ARNT2: variants seen among roughly 807,000 people sequenced by gnomAD.
ARNT2 encodes the protein ARNT protein 2.
ARNT2 carries 36 observed loss-of-function variants against 91.7 expected under a neutral mutation model. The observed-to-expected ratio is 0.39, with a 90% CI of 0.30 to 0.52. ARNT2 has a LOEUF of 0.52. ARNT2 is among the 20% of genes least tolerant of loss of function. ARNT2 has a pLI of 0.72. For synonymous variants in ARNT2, 365 were observed against 347.1 expected, an observed-to-expected ratio of 1.05 and a Z score of -0.57; for missense variants, 775 against 939.3, an observed-to-expected ratio of 0.83 and a Z score of 2.29.
intron 5 of ARNT2, among the ~76,000 whole-genome samples, chr15:80,506,696 G>A (rs1049428468): frequency 4.6e-5 from 7 of 152,188 alleles, no homozygotes; most frequent in Non-Finnish European, 8.8e-5. Flanking sequence ...TGGACATCTT[G>A]ATGTCCTCAG....
chr15:80,443,194 T>A (rs1394118421), intron 1 of ARNT2, among the ~76,000 whole-genome samples: 1 of 152,164 alleles, frequency 6.6e-6, no homozygotes, highest in Non-Finnish European at 1.5e-5. Context: ...ACATAGCATA[T>A]GCAAAGGTCC....
intron 11 of ARNT2, among the ~76,000 whole-genome samples, chr15:80,561,070 T>G (rs4778605): frequency 0.78 from 117,967 of 152,104 alleles, 46,229 homozygotes; most frequent in East Asian, 0.99. Flanking sequence ...TCCTTGCAGG[T>G]CTTGAGGATA....
At chr15:80,458,215 A>C (rs4238520) in intron 3 of ARNT2, among the ~76,000 whole-genome samples, 85,808 of 151,772 alleles carry the variant, frequency 0.57, 24,481 homozygotes, top group East Asian at 0.74. Context: ...GCTTTATAAG[A>C]AATTAATGTC....
intron 8 of ARNT2, among the ~76,000 whole-genome samples, chr15:80,519,580 G>T (rs78907368): frequency 0.018 from 2,663 of 151,984 alleles, 81 homozygotes; most frequent in African/African-American, 0.061. Context: ...AAGATAAGCT[G>T]TCAATTTTCA....
chr15:80,430,572 G>T (rs1379935579), intron 1 of ARNT2, among the ~76,000 whole-genome samples: 3 of 152,138 alleles, frequency 2.0e-5, no homozygotes, highest in African/African-American at 4.8e-5. Flanking sequence ...CAGTCTCAAC[G>T]GGAGCTGCAA....
At chr15:80,536,653 G>C (rs1213323106) in intron 8 of ARNT2, among the ~76,000 whole-genome samples, 1 of 152,082 alleles carries the variant, frequency 6.6e-6, no homozygotes, top group Non-Finnish European at 1.5e-5. Flanking sequence ...CCTTACCGAG[G>C]ACTTCCTTAC....
In ARNT2 at chr15:80,595,467, G is replaced by A. The variant is rs1182516950; in HGVS notation, c.*1769G>A. The A allele has an allele frequency of 6.6e-6, 1 of 152,314 alleles. No homozygotes were observed. Among genetic ancestry groups the A allele is most frequent in the Non-Finnish European group, 1.5e-5 (1 of 68,110 alleles). The allele number at this position is 152,314 out of a possible 1,614,324, so 9.4% of individuals were successfully genotyped here. ...ATGCAGGAAGGAGTTTGGAGAGAGT[G>A]TTTGCTGTGATCCATTGAAAGCTCC... On this transcript the variant is annotated 3_prime_UTR_variant, in exon 19 of 19. Transcript: ENST00000303329.
intron 17 of ARNT2, among the ~76,000 whole-genome samples, chr15:80,586,167 G>C (rs1259889041): frequency 6.6e-6 from 1 of 152,142 alleles, no homozygotes; most frequent in South Asian, 2.1e-4. Context: ...GTTGCTTAAA[G>C]AGAAATGGCT....
rs1026259052 is a variant in ARNT2, at chr15:80,514,520, C to A, written c.877+115C>A. On this transcript the variant is annotated intron_variant, in intron 8 of 18. Coordinates refer to ENST00000303329, the MANE Select transcript of ARNT2 (RefSeq NM_014862.4). ...TAGGTAGGAAAATATTCTTATTTTT[C>A]TTTGTGGTTAGAACACAATGATCTT... 5.5e-6 allele frequency: 5 copies of A among 910,624 alleles called. No homozygotes were observed. In the African/African-American group the frequency reaches 6.6e-5, roughly 12 times the overall value. The allele number at this position is 910,624 out of a possible 1,614,324, so 56.4% of individuals were successfully genotyped here.
At chr15:80,555,309 C>A in intron 11 of ARNT2, 170 bp downstream of exon 11, 1 of 613,210 alleles carries the variant, frequency 1.6e-6, no homozygotes, top group Non-Finnish European at 2.9e-6. Context: ...GGAAGACAGA[C>A]ACACATCAGT....
At position 80,519,684 on chromosome 15, in the gene ARNT2, C is replaced by CTTT. The variant is rs1172255165; in HGVS notation, c.877+5296_877+5298dup. 5.9e-4 allele frequency among the ~76,000 whole-genome samples: 71 copies of CTTT among 121,254 alleles called. 1 individual carries two copies. The highest frequency in any genetic ancestry group is 4.5e-3 in the Middle Eastern group (1 of 222). The allele number at this position is 121,254 out of a possible 152,430, so 79.5% of individuals were successfully genotyped here. A position where few individuals can be genotyped will look rare whatever the true frequency, so the allele number is the denominator to read the frequency against. On this transcript the variant is annotated intron_variant, in intron 8 of 18. Transcript: ENST00000303329. ...GAACAAATTGTGGGGAGGTATGTAG[C>CTTT]TTTTTTTTTTTTTTTTTTTGAGATG...
chr15:80,450,167 C>A (rs936550689), intron 1 of ARNT2, among the ~76,000 whole-genome samples: 1 of 152,210 alleles, frequency 6.6e-6, no homozygotes, highest in Non-Finnish European at 1.5e-5. Flanking sequence ...GAAATAATGT[C>A]TTGGCCACAA....
At chr15:80,410,330 G>C (rs1235297869) in intron 1 of ARNT2, among the ~76,000 whole-genome samples, 2 of 152,336 alleles carry the variant, frequency 1.3e-5, no homozygotes, top group Non-Finnish European at 2.9e-5. Flanking sequence ...GGAGTTAGGG[G>C]AAGAGTCAAG....
chr15:80,499,992 A>G (rs1595987517), intron 5 of ARNT2, among the ~76,000 whole-genome samples: 1 of 152,164 alleles, frequency 6.6e-6, no homozygotes, highest in Non-Finnish European at 1.5e-5. Flanking sequence ...CAACCGGTGA[A>G]TTGATGTGTT....
At chr15:80,580,591 A>G (rs779177297) in intron 16 of ARNT2, 42 bp downstream of exon 16, 1 of 1,612,216 alleles carries the variant, frequency 6.2e-7, no homozygotes, top group East Asian at 2.2e-5. Context: ...GTGACCAGAG[A>G]GGCAGAGCAC....
intron 5 of ARNT2, among the ~76,000 whole-genome samples, chr15:80,482,353 T>G (rs1806065522): frequency 6.6e-6 from 1 of 152,178 alleles, no homozygotes. Flanking sequence ...TTGTTAAACC[T>G]TCCCAGGTGA....
intron 11 of ARNT2, 70 bp from the exon 12 acceptor site, chr15:80,563,018 C>A: frequency 6.4e-7 from 1 of 1,571,444 alleles, no homozygotes; most frequent in Non-Finnish European, 8.7e-7. Context: ...CCACTGCCTG[C>A]AGCTTCTCCC....
chr15:80,427,720 C>T (rs1895952448), intron 1 of ARNT2, among the ~76,000 whole-genome samples: 2 of 152,138 alleles, frequency 1.3e-5, no homozygotes, highest in Admixed American at 6.6e-5. Flanking sequence ...AAAGCCATAC[C>T]CTGCTGCTTA....
rs1223759664 is a variant in ARNT2, at chr15:80,497,745, G to A, written c.623-10411G>A. On this transcript the variant is annotated intron_variant, in intron 5 of 18. Coordinates refer to ENST00000303329, the MANE Select transcript of ARNT2 (RefSeq NM_014862.4). ...ACCATTAAATAGATTTGAAATGGTA[G>A]AGCAGTGTTGGATATAGATTTGAAA... 2.0e-5 allele frequency among the ~76,000 whole-genome samples: 3 copies of A among 150,916 alleles called. No homozygotes were observed. The East Asian group carries it at 5.8e-4, about 29-fold the overall frequency.
Sources: gnomAD v4.1 joint callset for allele counts (sites outside exome capture counted in the v4.1 genomes callset) on GRCh38, gnomAD v4.1.1 for gene constraint, MANE v1.5 for transcripts, NCBI Gene and HGNC (gene_info 2026-07-23, HGNC 2026-07-21) for gene names.